Variants in NFATC3 observed in about 807,000 individuals in gnomAD.
NFATC3 encodes the protein nuclear factor of activated T cells 3.
NFATC3 carries 46 observed loss-of-function variants against 98.6 expected under a neutral mutation model. The observed-to-expected ratio is 0.47, with a 90% CI of 0.37 to 0.60. NFATC3 has a LOEUF of 0.60. Among genes scored for constraint, NFATC3 ranks in the 20% least tolerant of loss-of-function variants. NFATC3 has a pLI of 0.00. For synonymous variants in NFATC3, 512 were observed against 472.2 expected, an observed-to-expected ratio of 1.08 and a Z score of -1.09; for missense variants, 1,256 against 1,295.5, an observed-to-expected ratio of 0.97 and a Z score of 0.47.
At chr16:68,176,874 G>C (rs1394050096) in intron 6 of NFATC3, among the ~76,000 whole-genome samples, 1 of 152,054 alleles carries the variant, frequency 6.6e-6, no homozygotes, top group African/African-American at 2.4e-5. Flanking sequence ...TTGCACATGT[G>C]ACAGAGCTCA....
chr16:68,218,856 G>GCCA (rs2041743504), intron 9 of NFATC3, among the ~76,000 whole-genome samples: 1 of 151,716 alleles, frequency 6.6e-6, no homozygotes, highest in Middle Eastern at 3.4e-3. Context: ...ACAGGCGTGA[G>GCCA]CCACCACGCC....
At chr16:68,219,284 G>T (rs1405415354) in intron 9 of NFATC3, among the ~76,000 whole-genome samples, 1 of 152,082 alleles carries the variant, frequency 6.6e-6, no homozygotes, top group Non-Finnish European at 1.5e-5. Context: ...TTGGGAGGCT[G>T]GGGCAGGAGA....
intron 5 of NFATC3, among the ~76,000 whole-genome samples, chr16:68,173,545 C>T (rs546093237): frequency 2.3e-3 from 345 of 152,184 alleles, no homozygotes; most frequent in African/African-American, 7.5e-3. Flanking sequence ...CCAGCCTGGG[C>T]GACACAGCAA....
intron 8 of NFATC3, 137 bp from the exon 9 acceptor site, chr16:68,190,631 T>C (rs1345515869): frequency 2.6e-6 from 2 of 770,880 alleles, no homozygotes; most frequent in Non-Finnish European, 4.1e-6. Context: ...ATACACGATA[T>C]TTTATATGAA....
chr16:68,202,177 G>A (rs1793521137), intron 9 of NFATC3, among the ~76,000 whole-genome samples: 2 of 151,952 alleles, frequency 1.3e-5, no homozygotes, highest in Admixed American at 6.6e-5. Flanking sequence ...GTTAAATATA[G>A]CCTGACCTGA....
chr16:68,145,537 TA>T (rs2037998238), intron 3 of NFATC3, among the ~76,000 whole-genome samples: 1 of 152,196 alleles, frequency 6.6e-6, no homozygotes. Context: ...CACTCAGCAA[TA>T]TAAAAGAATA....
chr16:68,170,494 CTT>C (rs1364251442), intron 5 of NFATC3, among the ~76,000 whole-genome samples: 7 of 131,032 alleles, frequency 5.3e-5, no homozygotes, highest in Admixed American at 7.7e-5. Context: ...TCTGGCTGTT[CTT>C]TTTTTTTTTT....
At chr16:68,185,425 T>C (rs2151633488) in intron 8 of NFATC3, among the ~76,000 whole-genome samples, 1 of 152,252 alleles carries the variant, frequency 6.6e-6, no homozygotes, top group Admixed American at 6.5e-5. Flanking sequence ...GTATGTCCTG[T>C]CCAAAGAGGT....
intron 9 of NFATC3, chr16:68,214,180 G>A (rs534286267): frequency 4.1e-5 from 23 of 561,634 alleles, no homozygotes; most frequent in Admixed American, 3.4e-4. Flanking sequence ...CTAATAAAAT[G>A]TGGAGAGCCA....
At position 68,210,309 on chromosome 16, in the gene NFATC3, A is replaced by G. The variant is rs1328484680; in HGVS notation, c.3107-16041A>G. ...TGAGATTCCTTCTCAAAAAAAAAAA[A>G]AGAAAAAAAAAAAGAATACAAAAAA... On this transcript the variant is annotated intron_variant, in intron 9 of 9. Transcript: ENST00000346183. Among the ~76,000 whole-genome samples, 704 of 149,016 alleles carry G rather than the reference A, an allele frequency of 4.7e-3. 8 individuals carry two copies. Among genetic ancestry groups the G allele is most frequent in the African/African-American group, 0.017 (665 of 39,230 alleles).
At chr16:68,200,248 T>C (rs2040858303) in intron 9 of NFATC3, 1 of 151,818 alleles carries the variant, frequency 6.6e-6, no homozygotes, top group Admixed American at 6.6e-5. Context: ...AGGGAACACA[T>C]TGTAGCTAGC....
Position 68,117,090 on chromosome 16 carries a change from T to C in NFATC3, c.104-4897T>C, listed in dbSNP as rs555197070. ...CATATAATATTATGGGATCTAAAAT[T>C]GAGTAGAGAGGATCTGAACAAGGGG... is the stretch of plus-strand genomic sequence containing the variant. On this transcript the variant is annotated intron_variant, in intron 1 of 9. Transcript: ENST00000346183. Among the ~76,000 whole-genome samples, 4 of 152,298 alleles carry C rather than the reference T, an allele frequency of 2.6e-5. No homozygotes were observed. In the South Asian group the frequency reaches 8.3e-4, roughly 32 times the overall value.
At chr16:68,152,771 A>T (rs1228065910) in intron 3 of NFATC3, among the ~76,000 whole-genome samples, 1 of 152,228 alleles carries the variant, frequency 6.6e-6, no homozygotes, top group African/African-American at 2.4e-5. Flanking sequence ...CTATTTTCTG[A>T]TGTGAAACTT....
intron 3 of NFATC3, among the ~76,000 whole-genome samples, chr16:68,142,409 G>T (rs2037801797): frequency 6.6e-6 from 1 of 152,144 alleles, no homozygotes; most frequent in South Asian, 2.1e-4. Context: ...GTGTAGCAGT[G>T]CTACCAATTT....
In NFATC3 at chr16:68,201,468, G is replaced by T. The variant is rs557579632; in HGVS notation, c.3106+9693G>T. 1.2e-4 allele frequency among the ~76,000 whole-genome samples: 18 copies of T among 149,882 alleles called. No homozygotes were observed. In the South Asian group the frequency reaches 3.9e-3, roughly 32 times the overall value. ...TTGTTTTTGGTAGAGATGGAGTTTC[G>T]CCATGTTGCCCAGGCTGGTCTCAAA... is the stretch of plus-strand genomic sequence containing the variant. On this transcript the variant is annotated intron_variant, in intron 9 of 9. Coordinates refer to ENST00000346183, the MANE Select transcript of NFATC3 (RefSeq NM_173165.3).
rs766803033 is a variant in NFATC3, at chr16:68,191,616, C to G, written c.2947C>G (p.Gln983Glu). The change falls in exon 9 of 10, where the codon CAG becomes GAG. Residue 983 changes from glutamine to glutamate, a missense_variant. Gln to Glu is a conservative substitution (Grantham distance 29). Transcript: ENST00000346183. ...QHSTQAQSTGQGGLSAPSSLI... is the reference protein window; with the variant it reads ...QHSTQAQSTGEGGLSAPSSLI... The stretch of plus-strand genomic sequence containing the variant: ...CTCAACTCAAGCACAAAGTACGGGC[C>G]AGGGGGGTCTTTCTGCACCTTCATC... 6.2e-7 allele frequency: 1 copy of G among 1,614,122 alleles called. No homozygotes were observed. The highest frequency in any genetic ancestry group is 8.5e-7 in the Non-Finnish European group (1 of 1,180,032).
intron 8 of NFATC3, 40 bp from the exon 9 acceptor site, chr16:68,190,728 T>C (rs369109240): frequency 3.2e-6 from 5 of 1,539,514 alleles, no homozygotes; most frequent in African/African-American, 2.8e-5. Flanking sequence ...TAATTTTATG[T>C]ATTGTATAAT....
At chr16:68,211,670 C>T (rs367945530) in intron 9 of NFATC3, among the ~76,000 whole-genome samples, 5 of 151,702 alleles carry the variant, frequency 3.3e-5, no homozygotes, top group Admixed American at 1.3e-4. Context: ...TTACAGGCAT[C>T]TACCACACGC....
intron 3 of NFATC3, among the ~76,000 whole-genome samples, chr16:68,126,942 C>T (rs556488296): frequency 4.1e-4 from 62 of 152,204 alleles, no homozygotes; most frequent in Middle Eastern, 3.4e-3. Context: ...AGGCCGGGCA[C>T]GGTGGCTCAC....
Sources: gnomAD v4.1 joint callset for allele counts (sites outside exome capture counted in the v4.1 genomes callset) on GRCh38, gnomAD v4.1.1 for gene constraint, MANE v1.5 for transcripts, NCBI Gene and HGNC (gene_info 2026-07-23, HGNC 2026-07-21) for gene names.